Variants in VAT1L observed in about 807,000 individuals in gnomAD.
The protein encoded by VAT1L is putative NADPH-dependent quinone oxidoreductase VAT1L.
VAT1L carries 34 observed loss-of-function variants against 44.1 expected under a neutral mutation model. The observed-to-expected ratio is 0.77, with a 90% CI of 0.59 to 1.03. The LOEUF is 1.03. VAT1L is among the 50% of genes least tolerant of loss of function. The pLI, the probability that VAT1L is intolerant of heterozygous loss-of-function variation, is 0.00. For missense variants in VAT1L, 615 were observed against 538.8 expected, an observed-to-expected ratio of 1.14 and a Z score of -1.40; for synonymous variants, 253 against 202.2, an observed-to-expected ratio of 1.25 and a Z score of -2.13.
At chr16:77,810,797 G>A (rs1251852462) in intron 1 of VAT1L, among the ~76,000 whole-genome samples, 1 of 152,158 alleles carries the variant, frequency 6.6e-6, no homozygotes, top group East Asian at 1.9e-4. Context: ...GATCCATAAA[G>A]CCAATCCTTG....
At chr16:77,788,976 G>C in intron 1 of VAT1L, 61 bp downstream of exon 1, 3 of 1,422,108 alleles carry the variant, frequency 2.1e-6, no homozygotes, top group Non-Finnish European at 2.8e-6. Flanking sequence ...TGGGGAGGGG[G>C]TGGGAAAGCT....
intron 7 of VAT1L, among the ~76,000 whole-genome samples, chr16:77,969,701 C>A (rs189530099): frequency 6.3e-4 from 96 of 152,036 alleles, no homozygotes; most frequent in African/African-American, 1.9e-3. Context: ...CTAGGTGTAG[C>A]CCATGTTCAC....
At position 77,977,773 on chromosome 16, in the gene VAT1L, G is replaced by A. The variant is rs538468160; in HGVS notation, c.*78G>A. ...GCTGAGAAAACTCTTCTGTGCCCCAGTGAACAAATGCTGTAGTCCAGTGCG... is the reference window on the plus strand; with the variant it reads ...GCTGAGAAAACTCTTCTGTGCCCCAATGAACAAATGCTGTAGTCCAGTGCG... On this transcript the variant is annotated 3_prime_UTR_variant, in exon 9 of 9. Coordinates refer to ENST00000302536, the MANE Select transcript of VAT1L (RefSeq NM_020927.3). 3.7e-4 allele frequency: 498 copies of A among 1,356,770 alleles called. No individual in the cohort carries two copies. In the African/African-American group the frequency reaches 6.4e-3, roughly 17 times the overall value. The allele number at this position is 1,356,770 out of a possible 1,614,324, so 84.0% of individuals were successfully genotyped here. A position where few individuals can be genotyped will look rare whatever the true frequency, so the allele number is the denominator to read the frequency against.
At chr16:77,871,197 C>G (rs2017028462) in intron 4 of VAT1L, among the ~76,000 whole-genome samples, 1 of 152,164 alleles carries the variant, frequency 6.6e-6, no homozygotes, top group Non-Finnish European at 1.5e-5. Context: ...CTCTGCCCAA[C>G]TTCTCCCCCT....
intron 7 of VAT1L, 58 bp from the exon 8 acceptor site, chr16:77,971,792 T>C (rs1029799580): frequency 1.5e-4 from 236 of 1,566,138 alleles, no homozygotes; most frequent in Non-Finnish European, 2.0e-4. Flanking sequence ...CAGGCCCCCT[T>C]TTTAACTGGG....
At chr16:77,874,790 T>G (rs2017069746) in intron 4 of VAT1L, among the ~76,000 whole-genome samples, 1 of 143,938 alleles carries the variant, frequency 6.9e-6, no homozygotes, top group South Asian at 2.2e-4. Context: ...CATCCTCCAG[T>G]GCCTAGTGCA....
chr16:77,941,485 G>A (rs2017882865), intron 7 of VAT1L, among the ~76,000 whole-genome samples: 1 of 152,190 alleles, frequency 6.6e-6, no homozygotes, highest in Non-Finnish European at 1.5e-5. Flanking sequence ...ACATATGCAT[G>A]CATGTATCTT....
intron 7 of VAT1L, among the ~76,000 whole-genome samples, chr16:77,936,931 C>T (rs1368421635): frequency 6.6e-6 from 1 of 152,148 alleles, no homozygotes; most frequent in Non-Finnish European, 1.5e-5. Context: ...TGCCACCAGG[C>T]TGGAGTGCAA....
intron 7 of VAT1L, among the ~76,000 whole-genome samples, chr16:77,911,709 G>C (rs138983991): frequency 8.5e-4 from 129 of 152,138 alleles, no homozygotes; most frequent in African/African-American, 3.0e-3. Flanking sequence ...GCAGACTCTG[G>C]GTCCACACGA....
intron 1 of VAT1L, among the ~76,000 whole-genome samples, chr16:77,791,237 C>A (rs1027179228): frequency 6.6e-6 from 1 of 152,120 alleles, no homozygotes; most frequent in African/African-American, 2.4e-5. Flanking sequence ...ATGAATCAGC[C>A]GATGGCTTCC....
chr16:77,862,926 C>A, intron 4 of VAT1L, 36 bp downstream of exon 4: 1 of 1,605,628 alleles, frequency 6.2e-7, no homozygotes, highest in Non-Finnish European at 8.5e-7. Flanking sequence ...ACCAGGCTGG[C>A]CCTTGCTCTG....
intron 8 of VAT1L, among the ~76,000 whole-genome samples, chr16:77,975,400 T>C (rs947330982): frequency 1.3e-5 from 2 of 151,406 alleles, no homozygotes; most frequent in African/African-American, 4.9e-5. Context: ...TTAGTAGAGA[T>C]GGGGTTTCAC....
Position 77,950,409 on chromosome 16 carries a change from A to AACACACACACACACACACAC in VAT1L, c.1078-21413_1078-21394dup, listed in dbSNP as rs61168492. On this transcript the variant is annotated intron_variant, in intron 7 of 8. Transcript: ENST00000302536. Reference sequence around the variant, plus strand: ...GGGCGACAGAGCAAGATTCCATCTAAACACACACACACACACACACACACA... The same window carrying AACACACACACACACACACAC: ...GGGCGACAGAGCAAGATTCCATCTAAACACACACACACACACACACACACACACACACACACACACACACA... 3.2e-3 allele frequency among the ~76,000 whole-genome samples: 427 copies of AACACACACACACACACACAC among 131,456 alleles called. 7 individuals are homozygous for AACACACACACACACACACAC. The highest frequency in any genetic ancestry group is 0.011 in the African/African-American group (357 of 33,690). 86.2% of individuals were successfully genotyped at this position (131,456 alleles called of 152,430 possible).
intron 7 of VAT1L, among the ~76,000 whole-genome samples, chr16:77,957,794 A>T (rs1161602647): frequency 6.7e-6 from 1 of 149,330 alleles, no homozygotes. Flanking sequence ...TAATAATAAT[A>T]ATTATAAAAT....
chr16:77,933,390 C>CCATT (rs1307306527), intron 7 of VAT1L, among the ~76,000 whole-genome samples: 33 of 152,178 alleles, frequency 2.2e-4, no homozygotes, highest in African/African-American at 7.7e-4. Context: ...AATCAGAAAT[C>CCATT]CATTCATTCA....
chr16:77,923,152 T>C (rs532545437), intron 7 of VAT1L, among the ~76,000 whole-genome samples: 4 of 152,202 alleles, frequency 2.6e-5, no homozygotes, highest in South Asian at 2.1e-4. Flanking sequence ...TGAACATCCG[T>C]TAAAAGGAAT....
chr16:77,950,131 A>T (rs753931574), intron 7 of VAT1L, among the ~76,000 whole-genome samples: 2 of 152,198 alleles, frequency 1.3e-5, no homozygotes, highest in Non-Finnish European at 2.9e-5. Flanking sequence ...AACATTGGCC[A>T]GGTGCAGTGG....
chr16:77,959,700 G>A (rs1433055613), intron 7 of VAT1L, among the ~76,000 whole-genome samples: 4 of 152,150 alleles, frequency 2.6e-5, no homozygotes, highest in Non-Finnish European at 5.9e-5. Context: ...TAAAAAGGAA[G>A]TTGGCTACTA....
At chr16:77,914,728 G>C (rs2142488363) in intron 7 of VAT1L, among the ~76,000 whole-genome samples, 1 of 152,204 alleles carries the variant, frequency 6.6e-6, no homozygotes, top group Admixed American at 6.5e-5. Flanking sequence ...AGCTGAAAGA[G>C]GTTACAGTTC....
Sources: allele counts gnomAD v4.1 joint callset (sites outside exome capture counted in the v4.1 genomes callset), GRCh38; gene constraint gnomAD v4.1.1; transcripts MANE v1.5; gene names NCBI Gene and HGNC (gene_info 2026-07-23, HGNC 2026-07-21).